The following PTPN21 variants were observed in gnomAD, a reference collection of about 807,000 sequenced individuals.
PTPN21 encodes tyrosine-protein phosphatase non-receptor type 21.
Under a neutral mutation model 131.8 loss-of-function variants are expected in PTPN21, and 77 were observed. The observed-to-expected ratio is 0.58, with a 90% confidence interval of 0.49 to 0.71. The LOEUF (loss-of-function observed/expected upper bound fraction) is 0.71, where lower values mean the gene tolerates loss of function less well. PTPN21 is among the 30% of genes least tolerant of loss of function. The pLI, the probability that PTPN21 is intolerant of heterozygous loss-of-function variation, is 0.00. For missense variants in PTPN21, 1,552 were observed against 1,527.1 expected (o/e 1.02, Z -0.27); for synonymous variants, 715 against 621.3 (o/e 1.15, Z -2.24).
chr14:88,481,763 G>A (rs2077656020), intron 12 of PTPN21, among the ~76,000 whole-genome samples: 1 of 152,214 alleles, frequency 6.6e-6, no homozygotes, highest in Non-Finnish European at 1.5e-5. Context: ...TGAGGGGTAA[G>A]TGGGTGGGGT....
chr14:88,531,019 G>T (rs2078549207), intron 2 of PTPN21, among the ~76,000 whole-genome samples: 1 of 152,008 alleles, frequency 6.6e-6, no homozygotes, highest in South Asian at 2.1e-4. Flanking sequence ...CATTCTCCAA[G>T]ATAGACCATA....
chr14:88,473,544 C>T, intron 14 of PTPN21, 121 bp downstream of exon 14: 3 of 1,248,198 alleles, frequency 2.4e-6, no homozygotes, highest in Middle Eastern at 1.9e-4. Context: ...TACAAAATTC[C>T]TTAACACTCA....
intron 13 of PTPN21, among the ~76,000 whole-genome samples, chr14:88,476,911 C>CA (rs1177585168): frequency 6.6e-6 from 1 of 152,164 alleles, no homozygotes; most frequent in African/African-American, 2.4e-5. Context: ...TCAAAGTCCT[C>CA]AGATTTAACT....
At chr14:88,550,161 G>A in intron 2 of PTPN21, 77 bp downstream of exon 2, 4 of 1,431,940 alleles carry the variant, frequency 2.8e-6, no homozygotes, top group South Asian at 2.6e-5. Flanking sequence ...TGATCCACCA[G>A]CCTCGGCCTC....
At chr14:88,470,692 C>A (rs964861434) in intron 15 of PTPN21, among the ~76,000 whole-genome samples, 1 of 152,252 alleles carries the variant, frequency 6.6e-6, no homozygotes, top group Non-Finnish European at 1.5e-5. Flanking sequence ...GCCACACGCA[C>A]TCTCACTCAG....
intron 2 of PTPN21, among the ~76,000 whole-genome samples, chr14:88,536,341 A>C (rs556236783): frequency 6.6e-6 from 1 of 152,374 alleles, no homozygotes; most frequent in African/African-American, 2.4e-5. Context: ...CTAAAATTGT[A>C]CAGATAACTG....
chr14:88,553,904 A>G (rs1456964723), intron 1 of PTPN21, among the ~76,000 whole-genome samples: 3 of 152,192 alleles, frequency 2.0e-5, no homozygotes, highest in African/African-American at 7.2e-5. Flanking sequence ...AGTAATATCT[A>G]TAGCTATAGC....
Position 88,466,266 on chromosome 14 carries a change from T to C in PTPN21, c.*1871A>G, listed in dbSNP as rs2077361649. The C allele has an allele frequency of 6.6e-6, 1 of 152,174 alleles. No individual in the cohort carries two copies. The highest frequency in any genetic ancestry group is 1.5e-5 in the Non-Finnish European group (1 of 68,024). 9.4% of individuals were successfully genotyped at this position (152,174 alleles called of 1,614,324 possible). The stretch of plus-strand genomic sequence containing the variant: ...TTCCTACAAAATGTAATTTTTTAAT[T>C]TTGTAAAATAAAAATGTAAAATTTT... On this transcript the variant is annotated 3_prime_UTR_variant, in exon 19 of 19. Coordinates refer to ENST00000556564, the MANE Select transcript of PTPN21 (RefSeq NM_007039.4).
chr14:88,517,078 A>AT lies in PTPN21; in HGVS notation c.350+13dup. On this transcript the variant is annotated intron_variant, in intron 3 of 18. Transcript: ENST00000556564. Reference sequence around the variant, plus strand: ...AGACTATTTCCTAAAAACAAACGGCATGTAATTTCTCACCTGGTAATCTCC... The same window carrying AT: ...AGACTATTTCCTAAAAACAAACGGCATTGTAATTTCTCACCTGGTAATCTCC... The AT allele has an allele frequency of 6.2e-7, 1 of 1,612,148 alleles. No homozygotes were observed. Among genetic ancestry groups the AT allele is most frequent in the South Asian group, 1.1e-5 (1 of 90,890 alleles).
intron 3 of PTPN21, among the ~76,000 whole-genome samples, chr14:88,516,828 T>C (rs1226436256): frequency 6.6e-6 from 1 of 152,186 alleles, no homozygotes; most frequent in African/African-American, 2.4e-5. Context: ...AAAGGTAACA[T>C]CACTACAAGA....
rs552508248 is a variant in PTPN21 at position 88,531,564 on chromosome 14, C to T, written c.181-14303G>A. 9.2e-5 allele frequency among the ~76,000 whole-genome samples: 14 copies of T among 151,926 alleles called. No individual in the cohort carries two copies. The South Asian group carries it at 2.9e-3, about 32-fold the overall frequency. The stretch of plus-strand genomic sequence containing the variant: ...AGAGTGAGACTCCATCTCAAAAAAA[C>T]AAACAAACAAAAAACCTCTGTGATA... On this transcript the variant is annotated intron_variant, in intron 2 of 18. Transcript: ENST00000556564.
At chr14:88,472,578 G>A in intron 14 of PTPN21, 113 bp from the exon 15 acceptor site, 2 of 707,820 alleles carry the variant, frequency 2.8e-6, no homozygotes, top group Non-Finnish European at 4.7e-6. Flanking sequence ...GTATAATATT[G>A]AAAATTCTAG....
At chr14:88,494,326 A>G (rs2077870231) in intron 10 of PTPN21, among the ~76,000 whole-genome samples, 1 of 152,118 alleles carries the variant, frequency 6.6e-6, no homozygotes, top group Non-Finnish European at 1.5e-5. Flanking sequence ...TAAAAGACAT[A>G]AGGTTGAAAC....
intron 9 of PTPN21, 50 bp from the exon 10 acceptor site, chr14:88,496,542 G>C (rs751085222): frequency 7.3e-7 from 1 of 1,377,398 alleles, no homozygotes; most frequent in East Asian, 2.3e-5. Context: ...CATACAACTT[G>C]ATACGTTTAA....
intron 10 of PTPN21, chr14:88,492,912 C>A: frequency 2.8e-6 from 1 of 352,952 alleles, no homozygotes; most frequent in Non-Finnish European, 5.6e-6. Context: ...AGAGGAGACC[C>A]TGCCCTCATG....
At chr14:88,496,640 T>A (rs932806217) in intron 9 of PTPN21, 148 bp from the exon 10 acceptor site, 3 of 638,462 alleles carry the variant, frequency 4.7e-6, no homozygotes, top group Non-Finnish European at 8.3e-6. Flanking sequence ...TCCAACACTG[T>A]GCCCATGGTA....
Position 88,505,379 on chromosome 14 carries a change from G to A in PTPN21, c.449-8C>T, listed in dbSNP as rs371312026. Reference sequence around the variant, plus strand: ...CAAAGTCACCAAAATCCGCTATATAGAATGACAAACATTCACGTTAATTAT... The same window carrying A: ...CAAAGTCACCAAAATCCGCTATATAAAATGACAAACATTCACGTTAATTAT... On this transcript the variant is annotated splice_polypyrimidine_tract_variant and splice_region_variant and intron_variant, in intron 4 of 18. Transcript: ENST00000556564. 9.5e-6 allele frequency: 15 copies of A among 1,577,192 alleles called. No individual in the cohort carries two copies. The African/African-American group carries it at 2.0e-4, about 21-fold the overall frequency.
At chr14:88,532,526 G>A (rs1197375108) in intron 2 of PTPN21, among the ~76,000 whole-genome samples, 2 of 152,174 alleles carry the variant, frequency 1.3e-5, no homozygotes, top group Non-Finnish European at 2.9e-5. Context: ...GGAAAAATGT[G>A]TTTGAGCAAT....
chr14:88,537,066 T>C (rs2078641910), intron 2 of PTPN21, among the ~76,000 whole-genome samples: 1 of 152,220 alleles, frequency 6.6e-6, no homozygotes, highest in Non-Finnish European at 1.5e-5. Context: ...CTATACTTGA[T>C]CAAATAATAT....
Sources: allele counts gnomAD v4.1 joint callset (sites outside exome capture counted in the v4.1 genomes callset), GRCh38; gene constraint gnomAD v4.1.1; transcripts MANE v1.5; gene names NCBI Gene and HGNC (gene_info 2026-07-23, HGNC 2026-07-21).